Variants in AK3 observed in about 807,000 individuals in gnomAD.
AK3 encodes adenylate kinase 3, also known as GTP:AMP phosphotransferase AK3, mitochondrial.
In AK3, 27 loss-of-function variants were observed where a neutral mutation model predicts 23.7. The ratio of observed to expected loss-of-function variants is 1.14; its 90% CI spans 0.84 to 1.57. AK3 has a LOEUF of 1.57. Ranked by LOEUF, AK3 falls within the 40% of genes most tolerant of loss-of-function variation. The pLI, the probability that AK3 is intolerant of heterozygous loss-of-function variation, is 0.00. For synonymous variants in AK3, 159 were observed against 116.0 expected (o/e 1.37, Z -2.38); for missense variants, 406 against 285.6 (o/e 1.42, Z -3.04).
chr9:4,713,927 T>TATACACACCTCCAC (rs1449114903), intron 4 of AK3, among the ~76,000 whole-genome samples: 2,214 of 137,022 alleles, frequency 0.016, 164 homozygotes, highest in Middle Eastern at 0.035. Context: ...CACCTCCACA[T>TATACACACCTCCAC]ATACACACCT....
intron 1 of AK3, among the ~76,000 whole-genome samples, chr9:4,723,994 T>C (rs1216251740): frequency 2.0e-5 from 3 of 152,200 alleles, no homozygotes; most frequent in South Asian, 2.1e-4. Flanking sequence ...CATGAAACTT[T>C]AGATTTTTAA....
At position 4,711,200 on chromosome 9, in the gene AK3, T is replaced by C. The variant is rs1306498170; in HGVS notation, c.*1776A>G. ...TATTAGAACAGTCATTCAGAAGCCA[T>C]TGAGACATCAGGCAGCAGAAAGGAA... On this transcript the variant is annotated 3_prime_UTR_variant, in exon 5 of 5. Transcript: ENST00000381809. 2 of 152,544 alleles carry C rather than the reference T, an allele frequency of 1.3e-5. No individual in the cohort carries two copies. Among genetic ancestry groups the C allele is most frequent in the South Asian group, 2.1e-4 (1 of 4,818 alleles). 9.4% of individuals were successfully genotyped at this position (152,544 alleles called of 1,614,324 possible).
chr9:4,718,414 C>T lies in AK3; in HGVS notation c.563+5G>A, dbSNP rs374917574. The stretch of plus-strand genomic sequence containing the variant: ...CAAGAGAAGTTCTGAAAAGCAAAAA[C>T]TCACTGGTAATATTCCAGGACTGGC... On this transcript the variant is annotated splice_donor_5th_base_variant and intron_variant, in intron 4 of 4. Coordinates refer to ENST00000381809, the MANE Select transcript of AK3 (RefSeq NM_016282.4). 2.5e-6 allele frequency: 4 copies of T among 1,608,624 alleles called. No homozygotes were observed. The highest frequency in any genetic ancestry group is 2.2e-5 in the South Asian group (2 of 90,882).
chr9:4,716,767 A>G (rs567262144), intron 4 of AK3, among the ~76,000 whole-genome samples: 4 of 152,258 alleles, frequency 2.6e-5, no homozygotes, highest in Admixed American at 1.3e-4. Context: ...CCAGCTCTAA[A>G]AAAAATTTTT....
intron 1 of AK3, among the ~76,000 whole-genome samples, chr9:4,731,983 T>A (rs1005134540): frequency 1.3e-5 from 2 of 152,230 alleles, no homozygotes; most frequent in African/African-American, 4.8e-5. Flanking sequence ...ATGGTCTCAC[T>A]CTGACATCCA....
At chr9:4,714,651 G>A (rs1404013333) in intron 4 of AK3, among the ~76,000 whole-genome samples, 1 of 152,136 alleles carries the variant, frequency 6.6e-6, no homozygotes, top group Non-Finnish European at 1.5e-5. Flanking sequence ...ATCCTAAATC[G>A]TGGGTGAACA....
At chr9:4,734,114 G>A (rs1057174619) in intron 1 of AK3, among the ~76,000 whole-genome samples, 1 of 152,162 alleles carries the variant, frequency 6.6e-6, no homozygotes, top group Admixed American at 6.5e-5. Flanking sequence ...ATTAAATGAG[G>A]TCATAATGGG....
intron 1 of AK3, among the ~76,000 whole-genome samples, chr9:4,726,840 G>T (rs559738373): frequency 1.2e-3 from 184 of 151,826 alleles, no homozygotes; most frequent in African/African-American, 4.3e-3. Context: ...TGAACCTTAT[G>T]AAATGTGTTT....
intron 1 of AK3, among the ~76,000 whole-genome samples, 178 bp downstream of exon 1, chr9:4,740,759 C>G (rs1220830025): frequency 1.3e-5 from 2 of 152,212 alleles, no homozygotes; most frequent in Non-Finnish European, 2.9e-5. Flanking sequence ...CGAAGCGGCC[C>G]ACGGAGGCCG....
chr9:4,728,876 C>CAG (rs1429903102), intron 1 of AK3, among the ~76,000 whole-genome samples: 23 of 51,070 alleles, frequency 4.5e-4, no homozygotes, highest in African/African-American at 9.8e-4. Flanking sequence ...TACACACACA[C>CAG]ACACACATAC....
At chr9:4,734,711 G>A (rs749662828) in intron 1 of AK3, among the ~76,000 whole-genome samples, 2 of 152,258 alleles carry the variant, frequency 1.3e-5, no homozygotes, top group East Asian at 3.9e-4. Flanking sequence ...ACAAACTATG[G>A]TACACCCATA....
In AK3 at chr9:4,710,708, A is replaced by C. The variant is rs1394129799; in HGVS notation, c.*2268T>G. Reference sequence around the variant, plus strand: ...TGAATCAGGAAGACTGTTTGAGGCCAGGAGACTAGCCTGGGCAACATATCG... The same window carrying C: ...TGAATCAGGAAGACTGTTTGAGGCCCGGAGACTAGCCTGGGCAACATATCG... On this transcript the variant is annotated 3_prime_UTR_variant, in exon 5 of 5. Transcript: ENST00000381809. 3.9e-5 allele frequency: 6 copies of C among 152,080 alleles called. No individual in the cohort carries two copies. Among genetic ancestry groups the C allele is most frequent in the Non-Finnish European group, 8.8e-5 (6 of 68,042 alleles). 9.4% of individuals were successfully genotyped at this position (152,080 alleles called of 1,614,324 possible). A position where few individuals can be genotyped will look rare whatever the true frequency, so the allele number is the denominator to read the frequency against.
chr9:4,719,820 T>A (rs1313958424), intron 2 of AK3, among the ~76,000 whole-genome samples: 1 of 151,992 alleles, frequency 6.6e-6, no homozygotes, highest in Admixed American at 6.6e-5. Flanking sequence ...AATCCCAGCA[T>A]TTTGGGAGGC....
chr9:4,740,582 C>T (rs1842405191), intron 1 of AK3, among the ~76,000 whole-genome samples: 3 of 152,222 alleles, frequency 2.0e-5, no homozygotes, highest in Admixed American at 2.0e-4. Context: ...CCAAAGGCAC[C>T]AGCACGTTGA....
chr9:4,736,422 C>A (rs551154094), intron 1 of AK3, among the ~76,000 whole-genome samples: 1 of 150,166 alleles, frequency 6.7e-6, no homozygotes, highest in South Asian at 2.2e-4. Context: ...CATGAAATAT[C>A]CTTTTATATT....
At chr9:4,716,666 C>A (rs1315098657) in intron 4 of AK3, among the ~76,000 whole-genome samples, 1 of 152,300 alleles carries the variant, frequency 6.6e-6, no homozygotes, top group Middle Eastern at 3.4e-3. Context: ...CATGGTGGCT[C>A]GTACCTGTAA....
chr9:4,718,503 T>C lies in AK3; in HGVS notation c.479A>G (p.Gln160Arg), dbSNP rs769922742. The C allele has an allele frequency of 2.5e-6, 4 of 1,613,728 alleles. No homozygotes were observed. In the South Asian group the frequency reaches 3.3e-5, roughly 13 times the overall value. Residue 160 changes from glutamine to arginine, a missense_variant, in exon 4 of 5, where the codon CAG becomes CGG. By Grantham distance (43) the Gln-to-Arg change is conservative. Coordinates refer to ENST00000381809, the MANE Select transcript of AK3 (RefSeq NM_016282.4). Reference sequence around the variant, plus strand: ...CGTCTCTGGTTTATCATCCTCACGCTGAATGAGAGGCTCCCCAGTCAGGTC... The same window carrying C: ...CGTCTCTGGTTTATCATCCTCACGCCGAATGAGAGGCTCCCCAGTCAGGTC... ...IDDLTGEPLI[Q>R]REDDKPETVI...
chr9:4,738,938 A>AT (rs1298541039), intron 1 of AK3, among the ~76,000 whole-genome samples: 1 of 151,776 alleles, frequency 6.6e-6, no homozygotes, highest in Admixed American at 6.6e-5. Context: ...TGCCCAGCTA[A>AT]TTTTTTGTAT....
At chr9:4,722,894 A>C (rs1179757212) in intron 1 of AK3, among the ~76,000 whole-genome samples, 1 of 152,176 alleles carries the variant, frequency 6.6e-6, no homozygotes, top group Admixed American at 6.5e-5. Flanking sequence ...CAGTCTCTAC[A>C]GAAATAAAAA....
Sources: allele counts gnomAD v4.1 joint callset (sites outside exome capture counted in the v4.1 genomes callset), GRCh38; gene constraint gnomAD v4.1.1; transcripts MANE v1.5; gene names NCBI Gene and HGNC (gene_info 2026-07-23, HGNC 2026-07-21).